Variants in MDN1 observed in about 807,000 individuals in gnomAD.
MDN1 encodes midasin.
A neutral mutation model predicts 669.2 loss-of-function variants in MDN1; 266 were observed. The observed-to-expected ratio is 0.40, with a 90% confidence interval of 0.36 to 0.44. The LOEUF is 0.44. MDN1 is among the 20% of genes least tolerant of loss of function. The pLI, the probability that MDN1 is intolerant of heterozygous loss-of-function variation, is 1.00. For synonymous variants in MDN1, 2,385 were observed against 2,457.1 expected (o/e 0.97, Z 0.87); for missense variants, 5,940 against 6,754.0 (o/e 0.88, Z 4.22).
chr6:89,787,744 A>T lies in MDN1; in HGVS notation c.1334+110T>A, dbSNP rs569527917. On this transcript the variant is annotated intron_variant, in intron 8 of 101. Transcript: ENST00000369393. The stretch of plus-strand genomic sequence containing the variant: ...TTAGACCTGTTATCACTTCCAACTA[A>T]CCTTGCTTGAAGTAGACCCAGAGAA... 1.7e-5 allele frequency: 12 copies of T among 706,732 alleles called. No homozygotes were observed. In the East Asian group the frequency reaches 3.2e-4, roughly 19 times the overall value. 43.8% of individuals were successfully genotyped at this position (706,732 alleles called of 1,614,324 possible). A position where few individuals can be genotyped will look rare whatever the true frequency, so the allele number is the denominator to read the frequency against.
chr6:89,713,918 G>A (rs1339407234), intron 46 of MDN1, among the ~76,000 whole-genome samples: 6 of 151,640 alleles, frequency 4.0e-5, no homozygotes, highest in Admixed American at 6.6e-5. Context: ...GGTGCCTGTA[G>A]TCCCAGCTAC....
chr6:89,771,731 CAG>C (rs1378569843), intron 14 of MDN1, 110 bp from the exon 15 acceptor site: 1 of 953,608 alleles, frequency 1.0e-6, no homozygotes, highest in Non-Finnish European at 1.6e-6. Flanking sequence ...TTTTTTGAGA[CAG>C]AGTCTTGTTC....
In MDN1 at chr6:89,673,319, T is replaced by A. The variant is rs773927498; in HGVS notation, c.13391A>T (p.Glu4464Val). The change falls in exon 80 of 102, where the codon GAA becomes GTA. Residue 4464 changes from glutamate (E) to valine (V), a missense_variant. Glu to Val is a moderately radical substitution (Grantham distance 121). This residue lies in a region of MDN1 where 2,280 missense variants were observed against 2,576.3 expected (regional missense o/e 0.88). Coordinates refer to ENST00000369393, the MANE Select transcript of MDN1 (RefSeq NM_014611.3). ...TTTACTAATTTCTCCTCTTACATAT[T>A]CCAGACTTTCAACTAGTGCCATTTG... Reference protein sequence around the residue: ...DSQMALVESLEYVRGEISKAM... With the variant: ...DSQMALVESLVYVRGEISKAM... The A allele has an allele frequency of 3.7e-6, 6 of 1,614,160 alleles. No homozygotes were observed. The highest frequency in any genetic ancestry group is 5.1e-6 in the Non-Finnish European group (6 of 1,180,020).
chr6:89,679,473 C>A (rs1327097204), intron 74 of MDN1, among the ~76,000 whole-genome samples: 1 of 152,156 alleles, frequency 6.6e-6, no homozygotes, highest in Non-Finnish European at 1.5e-5. Context: ...AGTCCCAACC[C>A]CTAGAACTTC....
intron 1 of MDN1, among the ~76,000 whole-genome samples, chr6:89,812,748 C>G (rs1294012216): frequency 6.6e-6 from 1 of 152,030 alleles, no homozygotes; most frequent in Non-Finnish European, 1.5e-5. Flanking sequence ...TTACATGTAT[C>G]GGCTGAAATG....
chr6:89,746,146 C>T (rs529762080), intron 27 of MDN1, among the ~76,000 whole-genome samples: 2 of 152,250 alleles, frequency 1.3e-5, no homozygotes, highest in Admixed American at 6.5e-5. Flanking sequence ...TAGTGATAAT[C>T]AGACAGAAGT....
Position 89,743,152 on chromosome 6 carries a change from G to A in MDN1, c.4446C>T (p.Asn1482=), listed in dbSNP as rs1163466662. The change falls in exon 31 of 102, where the codon AAC becomes AAT. Residue 1482 remains asparagine, a splice_region_variant and synonymous_variant. Transcript: ENST00000369393. ...LADDSVLERL[N]SVLEVEKSLV... is the part of the protein sequence containing the mutation. ...AGGCAAACCTCTCAGGCACGTACCT[G>A]TTGAGTCTTTCCAAGACAGAGTCAT... The A allele has an allele frequency of 6.2e-7, 1 of 1,614,010 alleles. No individual in the cohort carries two copies. Among genetic ancestry groups the A allele is most frequent in the East Asian group, 2.2e-5 (1 of 44,860 alleles).
intron 32 of MDN1, 91 bp from the exon 33 acceptor site, chr6:89,738,546 TC>T: frequency 1.5e-6 from 2 of 1,369,702 alleles, no homozygotes; most frequent in Admixed American, 3.9e-5. Context: ...AGCTGTTAAG[TC>T]CAGCAAATAC....
chr6:89,756,585 T>C (rs569001734), intron 19 of MDN1, among the ~76,000 whole-genome samples, 195 bp from the exon 20 acceptor site: 20 of 152,342 alleles, frequency 1.3e-4, no homozygotes, highest in African/African-American at 4.3e-4. Context: ...CATTATTGCT[T>C]CTTCTATGCA....
At chr6:89,727,729 C>T (rs988790603) in intron 37 of MDN1, 104 bp downstream of exon 37, 56 of 1,552,188 alleles carry the variant, frequency 3.6e-5, no homozygotes, top group Admixed American at 1.4e-4. Flanking sequence ...AAGTCATCAG[C>T]GGGATCTTCC....
intron 1 of MDN1, chr6:89,815,256 C>T: frequency 2.3e-6 from 1 of 432,390 alleles, no homozygotes; most frequent in Admixed American, 2.9e-5. Context: ...CCTCTGCTCT[C>T]CCAGCGCATC....
At chr6:89,802,742 T>C (rs955608612) in intron 2 of MDN1, among the ~76,000 whole-genome samples, 3 of 152,078 alleles carry the variant, frequency 2.0e-5, no homozygotes, top group African/African-American at 7.2e-5. Context: ...AGAATATTAA[T>C]CATTTTTACA....
chr6:89,762,256 T>G, intron 16 of MDN1, 63 bp downstream of exon 16: 1 of 1,372,118 alleles, frequency 7.3e-7, no homozygotes, highest in Non-Finnish European at 1.0e-6. Flanking sequence ...TCCCCAAAAC[T>G]AATATGTTAA....
intron 16 of MDN1, among the ~76,000 whole-genome samples, chr6:89,761,952 C>A (rs1817569922): frequency 6.6e-6 from 1 of 152,204 alleles, no homozygotes; most frequent in Non-Finnish European, 1.5e-5. Flanking sequence ...TTAACTGCCT[C>A]ATTTATCCCT....
chr6:89,793,583 A>G (rs1040682764), intron 5 of MDN1, among the ~76,000 whole-genome samples, 179 bp downstream of exon 5: 1 of 152,200 alleles, frequency 6.6e-6, no homozygotes, highest in Admixed American at 6.5e-5. Flanking sequence ...AAAAACAAGA[A>G]CAGTGGGAAT....
chr6:89,790,084 C>T (rs1199745928), intron 6 of MDN1, 75 bp downstream of exon 6: 30 of 1,604,924 alleles, frequency 1.9e-5, no homozygotes, highest in Non-Finnish European at 2.4e-5. Context: ...GTTATATTCC[C>T]TTAGCAAAAG....
intron 12 of MDN1, among the ~76,000 whole-genome samples, chr6:89,775,202 G>A (rs1009684291): frequency 6.6e-6 from 1 of 152,162 alleles, no homozygotes; most frequent in Non-Finnish European, 1.5e-5. Context: ...CTTCTCCAAA[G>A]AACACAGATT....
At position 89,716,649 on chromosome 6, in the gene MDN1, C is replaced by T. The variant is rs1814394325; in HGVS notation, c.6743+1G>A. On this transcript the variant is annotated splice_donor_variant, in intron 44 of 101. Transcript: ENST00000369393. LOFTEE classifies it high-confidence loss of function. ...CCACTGATTAGGCATAAGGTTCTTA[C>T]TTGCAGAAGTTAACATTGTCCATCA... 1 of 1,608,700 alleles carries T rather than the reference C, an allele frequency of 6.2e-7. No individual in the cohort carries two copies.
Position 89,695,515 on chromosome 6 carries a change from G to A in MDN1, c.9771+90C>T. On this transcript the variant is annotated intron_variant, in intron 61 of 101. Transcript: ENST00000369393. This position sits in a 1 kb window ranked among gnomAD's most constrained non-coding sequence, Gnocchi z 4.1. Reference sequence around the variant, plus strand: ...CAATATCATGCTTGTGATGATCTGAGCACCCAAAAGGGAATAAAAGGAGTA... The same window carrying A: ...CAATATCATGCTTGTGATGATCTGAACACCCAAAAGGGAATAAAAGGAGTA... The A allele has an allele frequency of 6.8e-7, 1 of 1,461,482 alleles. No homozygotes were observed. Among genetic ancestry groups the A allele is most frequent in the Non-Finnish European group, 9.2e-7 (1 of 1,084,712 alleles). The allele number at this position is 1,461,482 out of a possible 1,614,324, so 90.5% of individuals were successfully genotyped here.
Sources: gnomAD v4.1 joint callset for allele counts (sites outside exome capture counted in the v4.1 genomes callset) on GRCh38, gnomAD v4.1.1 for gene constraint, gnomAD v4.1.1 regional missense constraint, Gnocchi (gnomAD v3.1) non-coding constraint, MANE v1.5 for transcripts, NCBI Gene and HGNC (gene_info 2026-07-23, HGNC 2026-07-21) for gene names.